Variants in LYAR observed in about 807,000 individuals in gnomAD.
LYAR encodes cell growth-regulating nucleolar protein.
A neutral mutation model predicts 45.2 loss-of-function variants in LYAR; 37 were observed. The observed-to-expected ratio is 0.82, with a 90% CI of 0.63 to 1.08. The LOEUF (loss-of-function observed/expected upper bound fraction) is 1.08, where lower values mean the gene tolerates loss of function less well. Among genes scored for constraint, LYAR ranks in the 50% least tolerant of loss-of-function variants. The probability of loss-of-function intolerance (pLI) is 0.00; values close to 1 mark genes in which losing one functional copy is unlikely to be tolerated. For synonymous variants in LYAR, 176 were observed against 155.1 expected (o/e 1.14, Z -1.00); for missense variants, 493 against 451.0 (o/e 1.09, Z -0.84).
rs961295453 is a variant in LYAR at position 4,283,399 on chromosome 4, T to C, written c.122+222A>G. 1.3e-5 allele frequency among the ~76,000 whole-genome samples: 2 copies of C among 152,352 alleles called. 1 individual carries two copies. ...CTCCTGACCTCATGAGCCACCCACC[T>C]TGGCCTCCCAAAGTGCTGGGATTAC... On this transcript the variant is annotated intron_variant, in intron 3 of 9. Transcript: ENST00000343470.
rs1718804620 is a variant in LYAR, at chr4:4,268,587, T to C, written c.948A>G (p.Lys316=). 1 of 1,610,632 alleles carries C rather than the reference T, an allele frequency of 6.2e-7. No homozygotes were observed. The highest frequency in any genetic ancestry group is 8.5e-7 in the Non-Finnish European group (1 of 1,177,702). Residue 316 remains lysine (K), a synonymous_variant, in exon 9 of 10, where the codon AAA becomes AAG. Transcript: ENST00000343470. The part of the protein sequence containing the change: ...KGKFNWKGTI[K]AILKQAPDNE... The stretch of plus-strand genomic sequence containing the variant: ...TGTCTGGGGCCTGTTTCAGAATTGC[T>C]TTAATAGTTCCCTTCCAGTTGAATT...
intron 2 of LYAR, 137 bp from the exon 3 acceptor site, chr4:4,283,932 C>T (rs1281651997): frequency 3.7e-6 from 2 of 535,330 alleles, no homozygotes; most frequent in East Asian, 3.0e-5. Flanking sequence ...CATAAAATTC[C>T]ACCATTCATA....
At chr4:4,280,462 T>C (rs1207006480) in intron 4 of LYAR, among the ~76,000 whole-genome samples, 1 of 152,194 alleles carries the variant, frequency 6.6e-6, no homozygotes, top group Admixed American at 6.5e-5. Flanking sequence ...AGATACCAAA[T>C]AGCCAAAACA....
intron 1 of LYAR, among the ~76,000 whole-genome samples, chr4:4,288,579 A>G (rs1719717077): frequency 6.9e-6 from 1 of 145,908 alleles, no homozygotes; most frequent in Non-Finnish European, 1.5e-5. Context: ...TTTGCCTCCC[A>G]GGTTCAAGTG....
chr4:4,267,855 G>A lies in LYAR; in HGVS notation c.*34C>T. On this transcript the variant is annotated 3_prime_UTR_variant, in exon 10 of 10. Transcript: ENST00000343470. ...AAACAGCAGTGAAAGGAAGAAGTCA[G>A]CAGAATGGATTCAATTTTTAAATAC... The A allele has an allele frequency of 6.5e-7, 1 of 1,547,720 alleles. No individual in the cohort carries two copies. The highest frequency in any genetic ancestry group is 1.4e-5 in the African/African-American group (1 of 72,422).
Position 4,267,806 on chromosome 4 carries a change from G to A in LYAR, c.*83C>T. On this transcript the variant is annotated 3_prime_UTR_variant, in exon 10 of 10. Coordinates refer to ENST00000343470, the MANE Select transcript of LYAR (RefSeq NM_017816.3). ...AGCTTCAAAAAGCAAAATTTGAGTT[G>A]TTAGAATTCATTACACATTTTATAA... 1.7e-6 allele frequency: 2 copies of A among 1,196,812 alleles called. No homozygotes were observed. The highest frequency in any genetic ancestry group is 3.1e-5 in the African/African-American group (2 of 63,828). 74.1% of individuals were successfully genotyped at this position (1,196,812 alleles called of 1,614,324 possible).
At chr4:4,272,184 C>G (rs1718964699) in intron 8 of LYAR, among the ~76,000 whole-genome samples, 1 of 152,174 alleles carries the variant, frequency 6.6e-6, no homozygotes, top group Non-Finnish European at 1.5e-5. Flanking sequence ...GGCTGAGATG[C>G]TGTACTACAG....
In LYAR at chr4:4,280,027, G is replaced by A. The variant is rs138156675; in HGVS notation, c.238-278C>T. On this transcript the variant is annotated intron_variant, in intron 4 of 9. Transcript: ENST00000343470. ...GTTCACAGATGATGTGGTCTTATAT[G>A]TCAAAAGTCCTAAAGAGTCCACACA... is the stretch of plus-strand genomic sequence containing the variant. Among the ~76,000 whole-genome samples, 63 of 152,304 alleles carry A rather than the reference G, an allele frequency of 4.1e-4. 1 individual carries two copies. Among genetic ancestry groups the A allele is most frequent in the African/African-American group, 1.4e-3 (59 of 41,570 alleles).
intron 8 of LYAR, among the ~76,000 whole-genome samples, chr4:4,273,237 G>T (rs1206804109): frequency 6.6e-6 from 1 of 152,198 alleles, no homozygotes; most frequent in Non-Finnish European, 1.5e-5. Flanking sequence ...GACAGTGGGT[G>T]AGAGGCACTG....
In LYAR at chr4:4,267,946, T is replaced by C; in HGVS notation, c.1083A>G (p.Lys361=). 6.2e-7 allele frequency: 1 copy of C among 1,613,426 alleles called. No individual in the cohort carries two copies. The highest frequency in any genetic ancestry group is 8.5e-7 in the Non-Finnish European group (1 of 1,179,780). ...ACTTAAAGGTAGGGTTCTTGCTGATTTTCTTGTTAAAGATGACCAGGAGTT... is the reference window on the plus strand; with the variant it reads ...ACTTAAAGGTAGGGTTCTTGCTGATCTTCTTGTTAAAGATGACCAGGAGTT... ...EEELLVIFNK[K]ISKNPTFKLL... Residue 361 remains lysine (K), a synonymous_variant, in exon 10 of 10, where the codon AAA becomes AAG. Transcript: ENST00000343470.
intron 7 of LYAR, 77 bp from the exon 8 acceptor site, chr4:4,273,746 C>T (rs760485347): frequency 2.2e-5 from 18 of 802,312 alleles, no homozygotes; most frequent in Non-Finnish European, 2.3e-5. Flanking sequence ...AGACCTTATG[C>T]GAGCTAGGCA....
intron 2 of LYAR, 34 bp from the exon 3 acceptor site, chr4:4,283,829 G>T: frequency 1.0e-6 from 1 of 990,286 alleles, no homozygotes; most frequent in Non-Finnish European, 1.4e-6. Context: ...ATTATAAACT[G>T]AAACTTCTCA....
At position 4,279,732 on chromosome 4, in the gene LYAR, T is replaced by C. The variant is rs1577216031; in HGVS notation, c.255A>G (p.Ile85Met). 1 of 1,603,024 alleles carries C rather than the reference T, an allele frequency of 6.2e-7. No homozygotes were observed. The highest frequency in any genetic ancestry group is 8.5e-7 in the Non-Finnish European group (1 of 1,173,844). The change falls in exon 5 of 10, where the codon ATA becomes ATG. Residue 85 changes from isoleucine to methionine, a missense_variant. Transcript: ENST00000343470. Reference protein sequence around the residue: ...QAWIQKISELIKRPNVSPKVR... With the variant: ...QAWIQKISELMKRPNVSPKVR... ...CTTTGGGGCTGACATTGGGTCTCTTTATTAATTCACTAATTTTCTACAAAA... is the reference window on the plus strand; with the variant it reads ...CTTTGGGGCTGACATTGGGTCTCTTCATTAATTCACTAATTTTCTACAAAA...
intron 6 of LYAR, among the ~76,000 whole-genome samples, chr4:4,275,455 TG>T (rs1719140825): frequency 6.9e-6 from 1 of 144,636 alleles, no homozygotes; most frequent in Non-Finnish European, 1.5e-5. Flanking sequence ...TTTTTTTTAA[TG>T]GGGACAGGGG....
At chr4:4,278,295 T>A (rs1719269982) in intron 6 of LYAR, among the ~76,000 whole-genome samples, 1 of 152,142 alleles carries the variant, frequency 6.6e-6, no homozygotes, top group African/African-American at 2.4e-5. Flanking sequence ...TCCCGATAAT[T>A]TGATAAGAAT....
chr4:4,279,489 A>G lies in LYAR; in HGVS notation c.387T>C (p.Ile129=). ...KNSLKVHNES[I]LDQVWNIFSE... ...AAAAGATATTCCACACCTGGTCCAG[A>G]ATGGATTCATTATGAACTTTTAAAC... is the stretch of plus-strand genomic sequence containing the variant. The change falls in exon 6 of 10, where the codon ATT becomes ATC. Residue 129 remains isoleucine (I), a synonymous_variant. Transcript: ENST00000343470. The G allele has an allele frequency of 6.2e-7, 1 of 1,613,420 alleles. No homozygotes were observed. The highest frequency in any genetic ancestry group is 8.5e-7 in the Non-Finnish European group (1 of 1,179,372).
chr4:4,267,729 AT>A lies in LYAR; in HGVS notation c.*159del. ...AGAAGTTTGGACCAGAATATATTTT[AT>A]TTTTCTCATAAAAGTTATACCAAAA... On this transcript the variant is annotated 3_prime_UTR_variant, in exon 10 of 10. Coordinates refer to ENST00000343470, the MANE Select transcript of LYAR (RefSeq NM_017816.3). 1 of 507,866 alleles carries A rather than the reference AT, an allele frequency of 2.0e-6. No individual in the cohort carries two copies. The highest frequency in any genetic ancestry group is 3.2e-6 in the Non-Finnish European group (1 of 310,058). The allele number at this position is 507,866 out of a possible 1,614,324, so 31.5% of individuals were successfully genotyped here. A position where few individuals can be genotyped will look rare whatever the true frequency, so the allele number is the denominator to read the frequency against.
intron 8 of LYAR, among the ~76,000 whole-genome samples, chr4:4,272,948 G>A (rs1040946452): frequency 1.3e-5 from 2 of 152,172 alleles, no homozygotes; most frequent in Non-Finnish European, 2.9e-5. Context: ...TGAAGAAGCA[G>A]GAGAGAAGCT....
At chr4:4,282,316 T>C (rs371015927) in intron 3 of LYAR, among the ~76,000 whole-genome samples, 1 of 152,280 alleles carries the variant, frequency 6.6e-6, no homozygotes, top group East Asian at 1.9e-4. Context: ...AATGGCAGCA[T>C]GAGGTTACCA....
Sources: allele counts gnomAD v4.1 joint callset (sites outside exome capture counted in the v4.1 genomes callset), GRCh38; gene constraint gnomAD v4.1.1; transcripts MANE v1.5; gene names NCBI Gene and HGNC (gene_info 2026-07-23, HGNC 2026-07-21).